CCDC88A: variants seen among roughly 807,000 people sequenced by gnomAD.
CCDC88A encodes girdin.
In CCDC88A, 54 loss-of-function variants were observed where a neutral mutation model predicts 234.3. The ratio of observed to expected loss-of-function variants is 0.23; its 90% CI spans 0.19 to 0.29. The LOEUF is 0.29. Among genes scored for constraint, CCDC88A ranks in the 10% least tolerant of loss-of-function variants. The pLI is 1.00. For synonymous variants in CCDC88A, 753 were observed against 737.8 expected, an observed-to-expected ratio of 1.02 and a Z score of -0.33; for missense variants, 1,832 against 2,123.4, an observed-to-expected ratio of 0.86 and a Z score of 2.70.
At position 55,301,912 on chromosome 2, in the gene CCDC88A, A is replaced by G. The variant is rs750827561; in HGVS notation, c.4632T>C (p.Ser1544=). Residue 1544 remains serine (S), a synonymous_variant, in exon 27 of 33, where the codon TCT becomes TCC. Transcript: ENST00000436346. ...ACTGCTTGGATCTGAAGCCTGCAGA[A>G]GAGTTGACAGTTGAAAAGTTGATGG... is the stretch of plus-strand genomic sequence containing the variant. ...TTAINFSTVN[S]SAGFRSKQLV... is the part of the protein sequence containing the mutation. 1 of 1,614,094 alleles carries G rather than the reference A, an allele frequency of 6.2e-7. No individual in the cohort carries two copies. The highest frequency in any genetic ancestry group is 1.3e-5 in the African/African-American group (1 of 74,932).
intron 25 of CCDC88A, chr2:55,305,977 G>A (rs138533630): frequency 0.024 from 3,612 of 152,034 alleles, 66 homozygotes; most frequent in Non-Finnish European, 0.036. Context: ...GTGCAGTGGC[G>A]TGATCTCAGC....
At chr2:55,313,283 G>T (rs1445411358) in intron 22 of CCDC88A, 1 of 152,268 alleles carries the variant, frequency 6.6e-6, no homozygotes, top group Non-Finnish European at 1.5e-5. Flanking sequence ...GGTCAGGCTG[G>T]TCTCTAACTC....
At chr2:55,392,636 T>C (rs1373285044) in intron 2 of CCDC88A, among the ~76,000 whole-genome samples, 1 of 152,276 alleles carries the variant, frequency 6.6e-6, no homozygotes, top group Non-Finnish European at 1.5e-5. Context: ...ATGTGAATGC[T>C]ATCATTTTTT....
intron 26 of CCDC88A, chr2:55,302,769 A>T (rs900484397): frequency 5.2e-6 from 1 of 191,378 alleles, no homozygotes; most frequent in Non-Finnish European, 1.1e-5. Context: ...TTTGGGAAAA[A>T]ATCTCTATGG....
In CCDC88A at chr2:55,369,449, CTTTTT is replaced by C. The variant is rs10587591; in HGVS notation, c.402+2998_402+3002del. On this transcript the variant is annotated intron_variant, in intron 5 of 32. Coordinates refer to ENST00000436346, the MANE Select transcript of CCDC88A (RefSeq NM_001365480.1). ...CCATGAATCCTACGTTTCAACCACA[CTTTTT>C]TTTTTTTTTTTTTTTGAGATGAAGT... 2.3e-3 allele frequency among the ~76,000 whole-genome samples: 294 copies of C among 125,412 alleles called. 1 individual carries two copies. The Middle Eastern group carries it at 0.029, about 13-fold the overall frequency. 82.3% of individuals were successfully genotyped at this position (125,412 alleles called of 152,430 possible).
At position 55,303,145 on chromosome 2, in the gene CCDC88A, T is replaced by G. The variant is rs546753387; in HGVS notation, c.4395A>C (p.Ala1465=). 3 of 1,547,966 alleles carry G rather than the reference T, an allele frequency of 1.9e-6. No individual in the cohort carries two copies. In the South Asian group the frequency reaches 3.6e-5, roughly 18 times the overall value. The change falls in exon 26 of 33, where the codon GCA becomes GCC. Residue 1465 remains alanine (A), a synonymous_variant. Transcript: ENST00000436346. ...TLGTKKSSMV[A]LKRLPFLRNR... The stretch of plus-strand genomic sequence containing the variant: ...TCCTCAAAAAGGGCAGTCTTTTCAG[T>G]GCAACCACTTTAATGTCAGAGCATG...
intron 7 of CCDC88A, among the ~76,000 whole-genome samples, chr2:55,359,200 T>C (rs1670972294): frequency 6.6e-6 from 1 of 152,112 alleles, no homozygotes; most frequent in Non-Finnish European, 1.5e-5. Flanking sequence ...CATAGTATTT[T>C]ACACAAAAAT....
intron 2 of CCDC88A, among the ~76,000 whole-genome samples, chr2:55,416,012 G>C (rs574364238): frequency 6.6e-6 from 1 of 151,570 alleles, no homozygotes; most frequent in Non-Finnish European, 1.5e-5. Context: ...AAATCACCAG[G>C]CATGCAAAAG....
intron 12 of CCDC88A, among the ~76,000 whole-genome samples, chr2:55,342,452 C>A: frequency 6.6e-6 from 1 of 152,122 alleles, no homozygotes. Context: ...CAATTTAATC[C>A]TCAGAAGTCT....
intron 2 of CCDC88A, chr2:55,404,307 C>T (rs1679196807): frequency 6.6e-6 from 1 of 152,072 alleles, no homozygotes; most frequent in Admixed American, 6.5e-5. Flanking sequence ...TTCCAATCAT[C>T]AATTTCTCTA....
chr2:55,321,551 C>CA (rs142503592), intron 18 of CCDC88A, among the ~76,000 whole-genome samples: 11,233 of 148,318 alleles, frequency 0.076, 1,317 homozygotes, highest in African/African-American at 0.25. Context: ...GACTCCGTCT[C>CA]AAAAAAAAAC....
At position 55,296,465 on chromosome 2, in the gene CCDC88A, C is replaced by T. The variant is rs374372727; in HGVS notation, c.4884G>A (p.Leu1628=). Residue 1628 remains leucine (L), a synonymous_variant, in exon 30 of 33, where the codon CTG becomes CTA. Coordinates refer to ENST00000436346, the MANE Select transcript of CCDC88A (RefSeq NM_001365480.1). The part of the protein sequence containing the change: ...PQSHSSGEFS[L]LHDHEAWSSS... ...TGGACCAAGCCTCATGGTCATGAAGCAGGCTAAATTCTCCACTGCTGTGGC... is the reference window on the plus strand; with the variant it reads ...TGGACCAAGCCTCATGGTCATGAAGTAGGCTAAATTCTCCACTGCTGTGGC... The T allele has an allele frequency of 6.2e-6, 10 of 1,614,114 alleles. No individual in the cohort carries two copies. The African/African-American group carries it at 6.7e-5, about 11-fold the overall frequency.
intron 12 of CCDC88A, among the ~76,000 whole-genome samples, chr2:55,341,534 T>C (rs1668500792): frequency 6.6e-6 from 1 of 151,102 alleles, no homozygotes; most frequent in South Asian, 2.1e-4. Flanking sequence ...AACTTCTGCC[T>C]CACGGGTTCA....
chr2:55,301,202 T>A lies in CCDC88A; in HGVS notation c.4744+4A>T. 1.3e-6 allele frequency: 2 copies of A among 1,546,526 alleles called. No homozygotes were observed. The highest frequency in any genetic ancestry group is 1.8e-6 in the Non-Finnish European group (2 of 1,122,856). The stretch of plus-strand genomic sequence containing the variant: ...TACTCTCTAAATAAGGTTCATTATC[T>A]TACCATGAACTCTTGATCCCGTACT... On this transcript the variant is annotated splice_donor_region_variant and intron_variant, in intron 28 of 32. Coordinates refer to ENST00000436346, the MANE Select transcript of CCDC88A (RefSeq NM_001365480.1).
intron 28 of CCDC88A, 69 bp from the exon 29 acceptor site, chr2:55,299,988 C>G: frequency 9.5e-7 from 1 of 1,050,488 alleles, no homozygotes; most frequent in Non-Finnish European, 1.5e-6. Context: ...CTTTTACATT[C>G]TGATTACAGA....
intron 2 of CCDC88A, among the ~76,000 whole-genome samples, chr2:55,401,470 A>ATATGTGTG (rs367863063): frequency 0.047 from 1,475 of 31,486 alleles, 518 homozygotes; most frequent in Admixed American, 0.11. Context: ...ATATATACAT[A>ATATGTGTG]TGTGTGTGTA....
chr2:55,386,459 G>GTATTTTATTTTATTTTATTT (rs70954113), intron 3 of CCDC88A, among the ~76,000 whole-genome samples: 3,967 of 145,792 alleles, frequency 0.027, 132 homozygotes, highest in African/African-American at 0.069. Flanking sequence ...TTTGTAGATT[G>GTATTTTATTTTATTTTATTT]TATTTTATTT....
rs1056848504 is a variant in CCDC88A, at chr2:55,319,586, C to G, written c.3163-582G>C. On this transcript the variant is annotated intron_variant, in intron 18 of 32. Coordinates refer to ENST00000436346, the MANE Select transcript of CCDC88A (RefSeq NM_001365480.1). Reference sequence around the variant, plus strand: ...CTAACGCAGATATTTTCTTATTTTTCCCACAATATAAAATACTAATTAAAA... The same window carrying G: ...CTAACGCAGATATTTTCTTATTTTTGCCACAATATAAAATACTAATTAAAA... Among the ~76,000 whole-genome samples the G allele has an allele frequency of 1.1e-4, 17 of 152,150 alleles. 1 individual carries two copies. The highest frequency in any genetic ancestry group is 4.1e-4 in the African/African-American group (17 of 41,526).
chr2:55,387,196 A>G (rs1035811725), intron 3 of CCDC88A, among the ~76,000 whole-genome samples: 8 of 151,392 alleles, frequency 5.3e-5, no homozygotes, highest in East Asian at 1.9e-4. Context: ...AAAAAAAAAA[A>G]AAAAGAAACA....
Sources: allele counts gnomAD v4.1 joint callset (sites outside exome capture counted in the v4.1 genomes callset), GRCh38; gene constraint gnomAD v4.1.1; transcripts MANE v1.5; gene names NCBI Gene and HGNC (gene_info 2026-07-23, HGNC 2026-07-21).